The following ADGRL3 variants were observed in gnomAD, a reference collection of about 807,000 sequenced individuals.
ADGRL3 encodes the protein calcium-independent alpha-latrotoxin receptor 3.
In ADGRL3, 62 loss-of-function variants were observed where a neutral mutation model predicts 153.5. That is an observed-to-expected ratio of 0.40 (90% CI 0.33 to 0.50). The LOEUF (loss-of-function observed/expected upper bound fraction) is 0.50. Among genes scored for constraint, ADGRL3 ranks in the 20% least tolerant of loss-of-function variants. The pLI is 0.47. For synonymous variants in ADGRL3, 710 were observed against 672.5 expected, an observed-to-expected ratio of 1.06 and a Z score of -0.86; for missense variants, 1,641 against 1,859.4, an observed-to-expected ratio of 0.88 and a Z score of 2.16.
chr4:61,773,208 T>C (rs1038763026), intron 8 of ADGRL3, among the ~76,000 whole-genome samples: 3 of 152,178 alleles, frequency 2.0e-5, no homozygotes, highest in African/African-American at 7.2e-5. Context: ...CTGACAATCA[T>C]CTGCACTAGC....
intron 8 of ADGRL3, among the ~76,000 whole-genome samples, chr4:61,789,388 G>A (rs2152425821): frequency 6.6e-6 from 1 of 152,192 alleles, no homozygotes; most frequent in East Asian, 1.9e-4. Context: ...TGACACACTT[G>A]AAGACAGGCC....
At chr4:61,850,172 C>A (rs1279178662) in intron 9 of ADGRL3, among the ~76,000 whole-genome samples, 1 of 152,068 alleles carries the variant, frequency 6.6e-6, no homozygotes, top group Non-Finnish European at 1.5e-5. Context: ...GAGCACATAC[C>A]ATGGGTATAT....
At chr4:61,681,802 A>G (rs947165871) in intron 6 of ADGRL3, among the ~76,000 whole-genome samples, 2 of 152,144 alleles carry the variant, frequency 1.3e-5, no homozygotes, top group African/African-American at 4.8e-5. Flanking sequence ...TTTGGTTACT[A>G]TTATGTAAAT....
rs569163798 is a variant in ADGRL3, at chr4:61,261,153, C to T, written c.-240+59388C>T. On this transcript the variant is annotated intron_variant, in intron 1 of 26. Coordinates refer to ENST00000683033, the MANE Select transcript of ADGRL3 (RefSeq NM_001387552.1). ...AGCTGGGACTACAAGCATCCAATAC[C>T]ACTCCCAGCTATTTTTTGTTCTTTT... 2.0e-5 allele frequency among the ~76,000 whole-genome samples: 3 copies of T among 151,500 alleles called. No homozygotes were observed. The East Asian group carries it at 5.8e-4, about 29-fold the overall frequency.
chr4:61,442,036 A>C (rs573612463), intron 2 of ADGRL3, among the ~76,000 whole-genome samples: 1 of 152,180 alleles, frequency 6.6e-6, no homozygotes, highest in Non-Finnish European at 1.5e-5. Context: ...ATTTCAAGAA[A>C]ATGTTTAATG....
chr4:61,279,837 T>G (rs1454531694), intron 1 of ADGRL3, among the ~76,000 whole-genome samples: 1 of 152,122 alleles, frequency 6.6e-6, no homozygotes, highest in Non-Finnish European at 1.5e-5. Context: ...GGTCTATTGA[T>G]AAATATGTGA....
chr4:61,658,848 TC>T, intron 5 of ADGRL3, among the ~76,000 whole-genome samples: 1 of 152,242 alleles, frequency 6.6e-6, no homozygotes, highest in African/African-American at 2.4e-5. Flanking sequence ...CCCTTACTCT[TC>T]CCAGGTTAGG....
At chr4:61,428,922 TATC>T in intron 2 of ADGRL3, among the ~76,000 whole-genome samples, 1 of 151,618 alleles carries the variant, frequency 6.6e-6, no homozygotes, top group African/African-American at 2.4e-5. Context: ...TCTATCTATC[TATC>T]TATCTATCTA....
intron 1 of ADGRL3, among the ~76,000 whole-genome samples, chr4:61,244,999 T>G (rs1756477851): frequency 6.6e-6 from 1 of 152,020 alleles, no homozygotes; most frequent in South Asian, 2.1e-4. Flanking sequence ...CTCCTTTCCT[T>G]TACTCTTCTG....
intron 2 of ADGRL3, among the ~76,000 whole-genome samples, chr4:61,489,781 T>C (rs1456884): frequency 0.94 from 143,380 of 151,992 alleles, 68,187 homozygotes; most frequent in East Asian, 1. Flanking sequence ...AAATTGAATT[T>C]GCAACAAAAT....
intron 9 of ADGRL3, among the ~76,000 whole-genome samples, chr4:61,828,675 G>T (rs4860435): frequency 0.56 from 84,490 of 151,660 alleles, 25,138 homozygotes; most frequent in African/African-American, 0.76. Context: ...CTGTCTTAAT[G>T]GAGTACTTCA....
intron 5 of ADGRL3, among the ~76,000 whole-genome samples, chr4:61,607,047 A>T (rs1249313597): frequency 6.6e-6 from 1 of 152,156 alleles, no homozygotes; most frequent in Non-Finnish European, 1.5e-5. Context: ...CCTTGCCATG[A>T]AGAAGAGGAG....
chr4:61,386,302 C>G (rs79973458), intron 2 of ADGRL3, among the ~76,000 whole-genome samples: 1,800 of 152,122 alleles, frequency 0.012, 49 homozygotes, highest in African/African-American at 0.041. Flanking sequence ...AAACACTACT[C>G]AGATTTATTA....
intron 1 of ADGRL3, among the ~76,000 whole-genome samples, chr4:61,244,309 A>C (rs774704767): frequency 2.6e-5 from 4 of 152,086 alleles, no homozygotes; most frequent in African/African-American, 9.7e-5. Flanking sequence ...TGTTTCAATG[A>C]TATAAATGCC....
intron 17 of ADGRL3, among the ~76,000 whole-genome samples, chr4:61,976,581 C>T: frequency 6.6e-6 from 1 of 152,048 alleles, no homozygotes; most frequent in East Asian, 1.9e-4. Context: ...AGAAAAAACC[C>T]TCTGTGAGAA....
At chr4:61,999,268 G>T (rs958592427) in intron 21 of ADGRL3, among the ~76,000 whole-genome samples, 1 of 152,068 alleles carries the variant, frequency 6.6e-6, no homozygotes, top group Non-Finnish European at 1.5e-5. Context: ...ACTTTTGTAC[G>T]TTCAGAAAGT....
At chr4:61,922,644 A>G (rs866338789) in intron 13 of ADGRL3, among the ~76,000 whole-genome samples, 17 of 152,178 alleles carry the variant, frequency 1.1e-4, no homozygotes, top group African/African-American at 3.6e-4. Flanking sequence ...AAGTCTGAAA[A>G]ATACATTTTT....
At chr4:61,506,697 A>G (rs981328611) in intron 3 of ADGRL3, among the ~76,000 whole-genome samples, 5 of 152,148 alleles carry the variant, frequency 3.3e-5, no homozygotes, top group Non-Finnish European at 5.9e-5. Flanking sequence ...CTTTGGTATC[A>G]TTAGTTTTAT....
chr4:61,418,834 C>T (rs1422891876), intron 2 of ADGRL3, among the ~76,000 whole-genome samples: 1 of 150,480 alleles, frequency 6.6e-6, no homozygotes, highest in East Asian at 2.1e-4. Context: ...AGAAGAGGTA[C>T]TCAGTTGGAT....
Sources: gnomAD v4.1 joint callset for allele counts (sites outside exome capture counted in the v4.1 genomes callset) on GRCh38, gnomAD v4.1.1 for gene constraint, MANE v1.5 for transcripts, NCBI Gene and HGNC (gene_info 2026-07-23, HGNC 2026-07-21) for gene names.